SMURF1: variants seen among roughly 807,000 people sequenced by gnomAD.
The protein encoded by SMURF1 is E3 ubiquitin-protein ligase SMURF1.
A neutral mutation model predicts 98.0 loss-of-function variants in SMURF1; 44 were observed. The ratio of observed to expected loss-of-function variants is 0.45; its 90% CI spans 0.35 to 0.58. The LOEUF (loss-of-function observed/expected upper bound fraction) is 0.58, where lower values mean the gene tolerates loss of function less well. Among genes scored for constraint, SMURF1 ranks in the 20% least tolerant of loss-of-function variants. The pLI, the probability that SMURF1 is intolerant of heterozygous loss-of-function variation, is 0.00. For missense variants in SMURF1, 687 were observed against 938.4 expected (o/e 0.73, Z 3.50); for synonymous variants, 396 against 374.9 (o/e 1.06, Z -0.65).
At chr7:99,133,363 G>A (rs1418169359) in intron 1 of SMURF1, among the ~76,000 whole-genome samples, 1 of 150,998 alleles carries the variant, frequency 6.6e-6, no homozygotes, top group Non-Finnish European at 1.5e-5. Context: ...CATCTCCTGT[G>A]AATCTATCAT....
intron 17 of SMURF1, among the ~76,000 whole-genome samples, chr7:99,031,163 TCA>T (rs1794869421): frequency 6.6e-6 from 1 of 152,212 alleles, no homozygotes; most frequent in Non-Finnish European, 1.5e-5. Context: ...AGACTGGCTG[TCA>T]GGCAACGTCA....
chr7:99,088,087 T>C (rs1212759312), intron 1 of SMURF1, among the ~76,000 whole-genome samples: 1 of 151,544 alleles, frequency 6.6e-6, no homozygotes. Context: ...CAAAACCCCA[T>C]CTCAACTAAA....
At chr7:99,118,916 C>T (rs563970126) in intron 1 of SMURF1, among the ~76,000 whole-genome samples, 2 of 149,674 alleles carry the variant, frequency 1.3e-5, no homozygotes, top group East Asian at 2.0e-4. Flanking sequence ...GGCTGCAGTA[C>T]GTGATGCAAT....
chr7:99,099,988 C>A (rs947311018), intron 1 of SMURF1, among the ~76,000 whole-genome samples: 2 of 152,066 alleles, frequency 1.3e-5, no homozygotes, highest in Non-Finnish European at 2.9e-5. Context: ...GCCACCAGTG[C>A]CTTTCACAGC....
At chr7:99,082,305 C>CTT (rs1488786654) in intron 1 of SMURF1, among the ~76,000 whole-genome samples, 1 of 152,120 alleles carries the variant, frequency 6.6e-6, no homozygotes, top group Non-Finnish European at 1.5e-5. Flanking sequence ...ATCTGTTTTC[C>CTT]TTTTGTTGCC....
At chr7:99,062,475 A>G (rs1208496516) in intron 1 of SMURF1, among the ~76,000 whole-genome samples, 1 of 152,196 alleles carries the variant, frequency 6.6e-6, no homozygotes, top group Non-Finnish European at 1.5e-5. Flanking sequence ...GGAAAATAGT[A>G]AGCAAGGGGA....
chr7:99,113,574 C>T (rs994190465), intron 1 of SMURF1, among the ~76,000 whole-genome samples: 1 of 152,038 alleles, frequency 6.6e-6, no homozygotes, highest in Non-Finnish European at 1.5e-5. Flanking sequence ...GGAGCGGTGG[C>T]TCACACCTGT....
At chr7:99,047,356 A>G (rs912811101) in intron 10 of SMURF1, among the ~76,000 whole-genome samples, 2 of 152,114 alleles carry the variant, frequency 1.3e-5, no homozygotes, top group South Asian at 2.1e-4. Context: ...GGTTCCCACT[A>G]TTTTTTAGTG....
chr7:99,136,883 G>A (rs908558956), intron 1 of SMURF1, among the ~76,000 whole-genome samples: 13 of 152,276 alleles, frequency 8.5e-5, no homozygotes, highest in Admixed American at 8.5e-4. Flanking sequence ...CCAAGAAGTC[G>A]AGGCTGCAGT....
At chr7:99,121,990 C>T (rs1375217884) in intron 1 of SMURF1, among the ~76,000 whole-genome samples, 6 of 152,180 alleles carry the variant, frequency 3.9e-5, no homozygotes, top group East Asian at 3.9e-4. Flanking sequence ...CAGCAACAAA[C>T]GATGCTGGAC....
At chr7:99,061,988 G>C (rs901167838) in intron 1 of SMURF1, 151 bp from the exon 2 acceptor site, 19 of 522,138 alleles carry the variant, frequency 3.6e-5, no homozygotes, top group African/African-American at 2.9e-4. Context: ...ACAAAAAATG[G>C]ACAACCATCT....
intron 3 of SMURF1, among the ~76,000 whole-genome samples, chr7:99,059,569 TAAAAAGC>T (rs1795981848): frequency 6.6e-6 from 1 of 152,022 alleles, no homozygotes; most frequent in African/African-American, 2.4e-5. Flanking sequence ...ATATATGTAC[TAAAAAGC>T]AAAAATTTTC....
chr7:99,073,637 G>C (rs1251673663), intron 1 of SMURF1, among the ~76,000 whole-genome samples: 1 of 151,844 alleles, frequency 6.6e-6, no homozygotes, highest in Non-Finnish European at 1.5e-5. Context: ...ATGGTGGCAT[G>C]CACCTATAAT....
At chr7:99,058,640 C>T (rs1270691527) in intron 3 of SMURF1, among the ~76,000 whole-genome samples, 1 of 152,166 alleles carries the variant, frequency 6.6e-6, no homozygotes, top group Non-Finnish European at 1.5e-5. Flanking sequence ...ACTTACACAG[C>T]CTCAGTGTCA....
intron 1 of SMURF1, among the ~76,000 whole-genome samples, chr7:99,075,942 T>G (rs1315578273): frequency 1.3e-5 from 2 of 152,196 alleles, no homozygotes; most frequent in Admixed American, 6.5e-5. Flanking sequence ...AATATCTGAG[T>G]GTACAGCTCA....
rs1008003765 is a variant in SMURF1, at chr7:99,049,776, C to T, written c.807-67G>A. On this transcript the variant is annotated intron_variant, in intron 8 of 17. Coordinates refer to ENST00000361368, the MANE Select transcript of SMURF1 (RefSeq NM_181349.3). ...ATGGAGGAATGAGACCAAAAGTCAG[C>T]AACAGAAGCCACAGAGGTTCCTTAT... is the stretch of plus-strand genomic sequence containing the variant. 13 of 1,480,820 alleles carry T rather than the reference C, an allele frequency of 8.8e-6. 1 individual carries two copies. In the Admixed American group the frequency reaches 2.4e-4, roughly 27 times the overall value. The allele number at this position is 1,480,820 out of a possible 1,614,324, so 91.7% of individuals were successfully genotyped here. A position where few individuals can be genotyped will look rare whatever the true frequency, so the allele number is the denominator to read the frequency against.
chr7:99,035,673 T>C lies in SMURF1; in HGVS notation c.1853A>G (p.Lys618Arg). The stretch of plus-strand genomic sequence containing the variant: ...ACAGTGCTTCAGCCGCGTGTTCGAC[T>C]TCCAGTCGTTCAAGTCTATTTTATC... ...GLDKIDLNDW[K>R]SNTRLKHCVA... The change falls in exon 16 of 18, where the codon AAG becomes AGG. Residue 618 changes from lysine (K) to arginine (R), a missense_variant. Physicochemically the swap from Lys to Arg is conservative, Grantham distance 26. Transcript: ENST00000361368. The C allele has an allele frequency of 6.2e-7, 1 of 1,614,220 alleles. No individual in the cohort carries two copies. Among genetic ancestry groups the C allele is most frequent in the Non-Finnish European group, 8.5e-7 (1 of 1,180,022 alleles).
intron 1 of SMURF1, among the ~76,000 whole-genome samples, chr7:99,140,025 GT>G (rs1453703320): frequency 6.6e-6 from 1 of 152,188 alleles, no homozygotes; most frequent in Non-Finnish European, 1.5e-5. Context: ...GTGCCCAACA[GT>G]AATTTGAAAT....
rs1015361904 is a variant in SMURF1 at position 99,033,203 on chromosome 7, C to T, written c.2012-82G>A. On this transcript the variant is annotated intron_variant, in intron 16 of 17. Coordinates refer to ENST00000361368, the MANE Select transcript of SMURF1 (RefSeq NM_181349.3). ...GGCCACACAGCCCCCAGGAGCAGGG[C>T]CCTGACCACATTCCCACCCCCACAC... The T allele has an allele frequency of 2.2e-6, 3 of 1,374,054 alleles. No individual in the cohort carries two copies. The Admixed American group carries it at 6.0e-5, about 28-fold the overall frequency. 85.1% of individuals were successfully genotyped at this position (1,374,054 alleles called of 1,614,324 possible).
Sources: allele counts gnomAD v4.1 joint callset (sites outside exome capture counted in the v4.1 genomes callset), GRCh38; gene constraint gnomAD v4.1.1; transcripts MANE v1.5; gene names NCBI Gene and HGNC (gene_info 2026-07-23, HGNC 2026-07-21).